BTBD1: variants seen among roughly 807,000 people sequenced by gnomAD.
BTBD1 encodes BTB domain containing 1.
In BTBD1, 34 loss-of-function variants were observed where a neutral mutation model predicts 48.0. The observed-to-expected ratio is 0.71, with a 90% CI of 0.54 to 0.94. BTBD1 has a LOEUF of 0.94. Ranked by LOEUF, BTBD1 falls within the 40% of genes least tolerant of loss-of-function variation. BTBD1 has a pLI of 0.00. For synonymous variants in BTBD1, 261 were observed against 242.1 expected (o/e 1.08, Z -0.72); for missense variants, 543 against 625.6 (o/e 0.87, Z 1.41).
At chr15:83,031,456 T>G (rs553187330) in intron 4 of BTBD1, among the ~76,000 whole-genome samples, 1 of 152,256 alleles carries the variant, frequency 6.6e-6, no homozygotes, top group South Asian at 2.1e-4. Context: ...CCATAAAAAA[T>G]GATGAGTTCG....
At chr15:83,021,848 A>G (rs1385047731) in intron 5 of BTBD1, among the ~76,000 whole-genome samples, 1 of 152,106 alleles carries the variant, frequency 6.6e-6, no homozygotes, top group African/African-American at 2.4e-5. Flanking sequence ...GTAACTCTCA[A>G]CATTGTCAGC....
chr15:83,050,020 G>T (rs922469668), intron 3 of BTBD1, 53 bp downstream of exon 3: 2 of 1,073,230 alleles, frequency 1.9e-6, no homozygotes, highest in Admixed American at 1.8e-5. Context: ...AGGCTGACAA[G>T]TAAGGCATTA....
At chr15:83,044,682 A>G (rs923303589) in intron 3 of BTBD1, 30 of 1,496,530 alleles carry the variant, frequency 2.0e-5, no homozygotes, top group East Asian at 4.5e-5. Context: ...GGAAAACACA[A>G]TAACAAGAAA....
At chr15:83,029,094 C>T (rs2032466715) in intron 5 of BTBD1, among the ~76,000 whole-genome samples, 1 of 149,910 alleles carries the variant, frequency 6.7e-6, no homozygotes, top group Non-Finnish European at 1.5e-5. Flanking sequence ...TTGGCCTCAT[C>T]CCATAATTTT....
At chr15:83,066,226 A>C (rs1479156538) in intron 1 of BTBD1, among the ~76,000 whole-genome samples, 1 of 151,990 alleles carries the variant, frequency 6.6e-6, no homozygotes, top group Non-Finnish European at 1.5e-5. Context: ...CTGAGCCCGG[A>C]GAGGTCGAGG....
intron 5 of BTBD1, among the ~76,000 whole-genome samples, chr15:83,028,092 T>C (rs1017413526): frequency 6.6e-6 from 1 of 152,206 alleles, no homozygotes; most frequent in Non-Finnish European, 1.5e-5. Context: ...GAGAACTGGG[T>C]TTGATAGAGT....
chr15:83,024,938 T>C (rs934791841), intron 5 of BTBD1, among the ~76,000 whole-genome samples: 1 of 152,206 alleles, frequency 6.6e-6, no homozygotes, highest in African/African-American at 2.4e-5. Context: ...GTTAGGTTAG[T>C]TTCTGACATC....
intron 2 of BTBD1, among the ~76,000 whole-genome samples, chr15:83,051,435 C>T (rs1329617544): frequency 6.6e-6 from 1 of 150,926 alleles, no homozygotes; most frequent in Non-Finnish European, 1.5e-5. Flanking sequence ...ATTAAACACA[C>T]TGGCTTTAAA....
intron 3 of BTBD1, among the ~76,000 whole-genome samples, chr15:83,046,380 A>G (rs926093931): frequency 3.3e-5 from 5 of 152,266 alleles, no homozygotes; most frequent in Admixed American, 2.6e-4. Flanking sequence ...TTAAAGTACG[A>G]AGTTAAAGCT....
intron 5 of BTBD1, among the ~76,000 whole-genome samples, chr15:83,026,663 C>T (rs901424543): frequency 6.6e-6 from 1 of 151,830 alleles, no homozygotes; most frequent in African/African-American, 2.4e-5. Context: ...GCTGGTATTA[C>T]AGGCATGTGC....
intron 3 of BTBD1, 109 bp from the exon 4 acceptor site, chr15:83,042,034 G>T: frequency 1.2e-6 from 1 of 836,040 alleles, no homozygotes; most frequent in Non-Finnish European, 1.9e-6. Flanking sequence ...CAAAAAATAG[G>T]TTAGACACTT....
In BTBD1 at chr15:83,066,692, CTCCCAGCCCGGCCCG is replaced by C. The variant is rs2033278987; in HGVS notation, c.401+44_401+58del. ...TCCGGGTAGGCCGGGCCCCGGGGAT[CTCCCAGCCCGGCCCG>C]GCCCGGCCCGGCCCGGCCCGGCCCG... On this transcript the variant is annotated intron_variant, in intron 1 of 7. Transcript: ENST00000261721. The C allele has an allele frequency of 1.7e-5, 21 of 1,234,556 alleles. No individual in the cohort carries two copies. The South Asian group carries it at 5.3e-4, about 31-fold the overall frequency. 76.5% of individuals were successfully genotyped at this position (1,234,556 alleles called of 1,614,324 possible).
intron 2 of BTBD1, among the ~76,000 whole-genome samples, chr15:83,056,183 G>A (rs574059048): frequency 6.6e-6 from 1 of 152,182 alleles, no homozygotes; most frequent in East Asian, 1.9e-4. Context: ...GGAATTACAG[G>A]CGTGAACCAC....
intron 2 of BTBD1, among the ~76,000 whole-genome samples, chr15:83,053,672 T>C (rs1375059369): frequency 2.0e-5 from 3 of 152,222 alleles, no homozygotes; most frequent in African/African-American, 7.2e-5. Context: ...ACTTATTTAT[T>C]AGATTTTAAT....
At chr15:83,045,223 C>T (rs1313560635) in intron 3 of BTBD1, among the ~76,000 whole-genome samples, 1 of 152,150 alleles carries the variant, frequency 6.6e-6, no homozygotes, top group Middle Eastern at 3.2e-3. Context: ...TGGGCAGGCA[C>T]AGTGGCTCAC....
intron 5 of BTBD1, among the ~76,000 whole-genome samples, chr15:83,026,366 G>A (rs1450670597): frequency 6.6e-6 from 1 of 152,018 alleles, no homozygotes; most frequent in Non-Finnish European, 1.5e-5. Flanking sequence ...AGGAACTAGG[G>A]AAACTGGATT....
chr15:83,030,516 T>C (rs1379798547), intron 4 of BTBD1, 188 bp from the exon 5 acceptor site: 5 of 549,430 alleles, frequency 9.1e-6, no homozygotes, highest in Non-Finnish European at 1.6e-5. Context: ...ACACATTAAT[T>C]AAAATGTTAA....
At chr15:83,060,837 G>A (rs1320158616) in intron 1 of BTBD1, among the ~76,000 whole-genome samples, 1 of 152,004 alleles carries the variant, frequency 6.6e-6, no homozygotes, top group Non-Finnish European at 1.5e-5. Flanking sequence ...AAAAGCCTAA[G>A]GTGAATACTT....
At chr15:83,026,036 T>C (rs1308188637) in intron 5 of BTBD1, among the ~76,000 whole-genome samples, 1 of 152,190 alleles carries the variant, frequency 6.6e-6, no homozygotes, top group African/African-American at 2.4e-5. Flanking sequence ...CCCAAAGTGC[T>C]GGGATTACAG....
Sources: allele counts gnomAD v4.1 joint callset (sites outside exome capture counted in the v4.1 genomes callset), GRCh38; gene constraint gnomAD v4.1.1; transcripts MANE v1.5; gene names NCBI Gene and HGNC (gene_info 2026-07-23, HGNC 2026-07-21).